MAP3K19: variants seen among roughly 807,000 people sequenced by gnomAD.
MAP3K19 encodes the protein mitogen-activated protein kinase kinase kinase 19.
Under a neutral mutation model 114.4 loss-of-function variants are expected in MAP3K19, and 91 were observed. The observed-to-expected ratio is 0.80, with a 90% confidence interval of 0.67 to 0.95. The LOEUF (loss-of-function observed/expected upper bound fraction) is 0.95, where lower values mean the gene tolerates loss of function less well. MAP3K19 is among the 40% of genes least tolerant of loss of function. The pLI, the probability that MAP3K19 is intolerant of heterozygous loss-of-function variation, is 0.00. For synonymous variants in MAP3K19, 518 were observed against 530.5 expected, an observed-to-expected ratio of 0.98 and a Z score of 0.32; for missense variants, 1,471 against 1,573.2, an observed-to-expected ratio of 0.94 and a Z score of 1.10.
Position 134,986,028 on chromosome 2 carries a change from G to A in MAP3K19, c.2844C>T (p.Gly948=), listed in dbSNP as rs560345226. ...TAATTTCTTGGGAAATTGAATTTGT[G>A]CCACTTAAGGTTTTTCCAAACATTT... is the stretch of plus-strand genomic sequence containing the variant. ...TYQMFGKTLS[G]TNSISQEIMD... Residue 948 remains glycine, a synonymous_variant, in exon 10 of 13, where the codon GGC becomes GGT. Transcript: ENST00000392915. 6.2e-7 allele frequency: 1 copy of A among 1,612,984 alleles called. No individual in the cohort carries two copies. The highest frequency in any genetic ancestry group is 1.1e-5 in the South Asian group (1 of 90,662).
chr2:134,969,695 C>G (rs1683731216), intron 12 of MAP3K19, among the ~76,000 whole-genome samples: 1 of 152,180 alleles, frequency 6.6e-6, no homozygotes, highest in African/African-American at 2.4e-5. Context: ...TAAAGAGCTT[C>G]TGCACAGACC....
intron 3 of MAP3K19, among the ~76,000 whole-genome samples, chr2:135,025,735 C>G (rs1449181996): frequency 6.6e-6 from 1 of 152,116 alleles, no homozygotes; most frequent in African/African-American, 2.4e-5. Flanking sequence ...GTTGGTAAGC[C>G]CAACTGGCTG....
At chr2:135,040,706 G>C (rs1200850284) in intron 1 of MAP3K19, 1 of 152,140 alleles carries the variant, frequency 6.6e-6, no homozygotes, top group African/African-American at 2.4e-5. Context: ...AAAATAGGGG[G>C]AAATGCCGCA....
intron 12 of MAP3K19, among the ~76,000 whole-genome samples, chr2:134,968,866 C>G (rs1489767321): frequency 6.9e-6 from 1 of 144,776 alleles, no homozygotes; most frequent in Non-Finnish European, 1.5e-5. Flanking sequence ...ACTTTCCAGA[C>G]TGGGCAGCCA....
At position 134,986,708 on chromosome 2, in the gene MAP3K19, G is replaced by A. The variant is rs773746594; in HGVS notation, c.2164C>T (p.His722Tyr). Residue 722 changes from histidine to tyrosine, a missense_variant, in exon 10 of 13, where the codon CAT becomes TAT. Coordinates refer to ENST00000392915, the MANE Select transcript of MAP3K19 (RefSeq NM_025052.5). ...AATGAAGTCTTTGGGCATTTCATAT[G>A]TGTTTTTTTCTGAGAAAGTCTTGTT... ...IRTRLSQKKT[H>Y]MKCPKTSFGI... The A allele has an allele frequency of 6.2e-7, 1 of 1,614,102 alleles. No homozygotes were observed. The highest frequency in any genetic ancestry group is 1.1e-5 in the South Asian group (1 of 91,072).
In MAP3K19 at chr2:134,981,299, T is replaced by A. The variant is rs1256675149; in HGVS notation, c.3442A>T (p.Ile1148Phe). ...CCAAAACGGTTTATAATACTAGAGA[T>A]TGAGCCACCAGGAACAAACTCCATG... ...IFMEFVPGGS[I>F]SSIINRFGPL... The change falls in exon 12 of 13, where the codon ATC (isoleucine) becomes TTC (phenylalanine). Residue 1148 changes from isoleucine to phenylalanine, a missense_variant. By Grantham distance (21) the Ile-to-Phe change is conservative (BLOSUM62 0). Coordinates refer to ENST00000392915, the MANE Select transcript of MAP3K19 (RefSeq NM_025052.5). 1.2e-6 allele frequency: 2 copies of A among 1,614,246 alleles called. No homozygotes were observed. Among genetic ancestry groups the A allele is most frequent in the African/African-American group, 2.7e-5 (2 of 75,060 alleles).
intron 1 of MAP3K19, 168 bp from the exon 2 acceptor site, chr2:135,040,670 T>C (rs1270085049): frequency 2.0e-5 from 3 of 152,342 alleles, no homozygotes; most frequent in African/African-American, 7.2e-5. Context: ...TATAAAATTC[T>C]TATAACAGTT....
At chr2:134,967,249 C>T (rs1005594700) in intron 12 of MAP3K19, among the ~76,000 whole-genome samples, 20 of 152,118 alleles carry the variant, frequency 1.3e-4, no homozygotes, top group Non-Finnish European at 2.9e-5. Context: ...CCCTTGAAAG[C>T]GCCGTATTGT....
rs1672913178 is a variant in MAP3K19 at position 134,987,457 on chromosome 2, T to C, written c.1415A>G (p.Glu472Gly). The C allele has an allele frequency of 6.2e-7, 1 of 1,614,212 alleles. No individual in the cohort carries two copies. The highest frequency in any genetic ancestry group is 8.5e-7 in the Non-Finnish European group (1 of 1,180,044). ...METNIKISIA[E>G]RAKPEMSRMV... ...CCTACTCATTTCTGGTTTGGCTCTTTCTGCTATTGATATTTTTATGTTTGT... is the reference window on the plus strand; with the variant it reads ...CCTACTCATTTCTGGTTTGGCTCTTCCTGCTATTGATATTTTTATGTTTGT... Residue 472 changes from glutamate (E) to glycine (G), a missense_variant, in exon 10 of 13, where the codon GAA (glutamate) becomes GGA (glycine). By Grantham distance (98) the Glu-to-Gly change is moderately conservative. Transcript: ENST00000392915.
At chr2:135,036,637 A>ATGTGTGTG (rs57859657) in intron 2 of MAP3K19, among the ~76,000 whole-genome samples, 174 of 140,296 alleles carry the variant, frequency 1.2e-3, no homozygotes, top group African/African-American at 4.4e-3. Context: ...GTTCAACATT[A>ATGTGTGTG]TGTGTGTGTG....
chr2:135,025,894 T>C (rs529550581), intron 3 of MAP3K19, among the ~76,000 whole-genome samples: 4 of 152,326 alleles, frequency 2.6e-5, no homozygotes, highest in African/African-American at 7.2e-5. Context: ...ATCCCATTAA[T>C]AGATTACAGT....
chr2:134,969,864 G>A (rs1683744991), intron 12 of MAP3K19, among the ~76,000 whole-genome samples: 1 of 152,108 alleles, frequency 6.6e-6, no homozygotes, highest in Admixed American at 6.5e-5. Context: ...ATATTGAAGA[G>A]GGTGTCAATT....
At chr2:134,995,340 A>G (rs1685908895) in intron 8 of MAP3K19, among the ~76,000 whole-genome samples, 1 of 150,294 alleles carries the variant, frequency 6.7e-6, no homozygotes, top group Non-Finnish European at 1.5e-5. Context: ...AAAAGTAAGG[A>G]AAGGAAGATT....
At chr2:134,976,614 A>G (rs1483093878) in intron 12 of MAP3K19, among the ~76,000 whole-genome samples, 1 of 152,182 alleles carries the variant, frequency 6.6e-6, no homozygotes, top group African/African-American at 2.4e-5. Flanking sequence ...CTAGTCAGCC[A>G]TCTTGAAGCC....
intron 12 of MAP3K19, among the ~76,000 whole-genome samples, chr2:134,974,462 C>T (rs910128241): frequency 9.8e-5 from 15 of 152,302 alleles, no homozygotes; most frequent in African/African-American, 2.4e-4. Context: ...AGTTTGACTA[C>T]AATGTACCCT....
rs1278361699 is a variant in MAP3K19 at position 135,034,176 on chromosome 2, C to A, written c.-283-3676G>T. 1.3e-4 allele frequency among the ~76,000 whole-genome samples: 13 copies of A among 101,772 alleles called. 2 individuals carry two copies. The East Asian group carries it at 3.0e-3, about 24-fold the overall frequency. The allele number at this position is 101,772 out of a possible 152,430, so 66.8% of individuals were successfully genotyped here. A position where few individuals can be genotyped will look rare whatever the true frequency, so the allele number is the denominator to read the frequency against. ...CCCCACATCTCAGGCGATGGGCGGC[C>A]GGGCAGAGACGCTCCTTACTTCCTA... On this transcript the variant is annotated intron_variant, in intron 2 of 12. Transcript: ENST00000392915.
At position 134,998,616 on chromosome 2, in the gene MAP3K19, G is replaced by C. The variant is rs571301071; in HGVS notation, c.574+122C>G. The C allele has an allele frequency of 7.8e-6, 8 of 1,021,642 alleles. No homozygotes were observed. The South Asian group carries it at 1.4e-4, about 18-fold the overall frequency. The allele number at this position is 1,021,642 out of a possible 1,614,324, so 63.3% of individuals were successfully genotyped here. On this transcript the variant is annotated intron_variant, in intron 8 of 12. Transcript: ENST00000392915. Reference sequence around the variant, plus strand: ...CCCCCAGGAATGTAAATTACACAAGGGCTGGGGTTATTTTCTGGTATGTTC... The same window carrying C: ...CCCCCAGGAATGTAAATTACACAAGCGCTGGGGTTATTTTCTGGTATGTTC...
chr2:135,045,466 GA>G (rs1688724473), intron 1 of MAP3K19, among the ~76,000 whole-genome samples: 1 of 151,984 alleles, frequency 6.6e-6, no homozygotes, highest in Non-Finnish European at 1.5e-5. Context: ...ATTTCAGGGG[GA>G]AAAAAGGTTT....
At position 134,979,641 on chromosome 2, in the gene MAP3K19, GTTTTTTTTTTTT is replaced by G. The variant is rs774229914; in HGVS notation, c.3920+1168_3920+1179del. ...TACGATTTTCCAACACATTTATGCG[GTTTTTTTTTTTT>G]TTTTTTTTGGAGAGGGTGGGCAGCT... On this transcript the variant is annotated intron_variant, in intron 12 of 12. Coordinates refer to ENST00000392915, the MANE Select transcript of MAP3K19 (RefSeq NM_025052.5). 5.9e-5 allele frequency among the ~76,000 whole-genome samples: 7 copies of G among 117,752 alleles called. No homozygotes were observed. In the East Asian group the frequency reaches 1.9e-3, roughly 32 times the overall value. The allele number at this position is 117,752 out of a possible 152,430, so 77.2% of individuals were successfully genotyped here. A position where few individuals can be genotyped will look rare whatever the true frequency, so the allele number is the denominator to read the frequency against.
Sources: gnomAD v4.1 joint callset for allele counts (sites outside exome capture counted in the v4.1 genomes callset) on GRCh38, gnomAD v4.1.1 for gene constraint, MANE v1.5 for transcripts, NCBI Gene and HGNC (gene_info 2026-07-23, HGNC 2026-07-21) for gene names.